The following TIAM1 variants were observed in gnomAD, a reference collection of about 807,000 sequenced individuals.
The protein encoded by TIAM1 is rho guanine nucleotide exchange factor TIAM1.
TIAM1 carries 65 observed loss-of-function variants against 163.5 expected under a neutral mutation model. The observed-to-expected ratio is 0.40, with a 90% CI of 0.33 to 0.49. TIAM1 has a LOEUF of 0.49. Ranked by LOEUF, TIAM1 falls within the 20% of genes least tolerant of loss-of-function variation. The probability of loss-of-function intolerance (pLI) is 0.77; values close to 1 mark genes in which losing one functional copy is unlikely to be tolerated. For synonymous variants in TIAM1, 833 were observed against 810.1 expected, an observed-to-expected ratio of 1.03 and a Z score of -0.48; for missense variants, 1,789 against 2,044.7, an observed-to-expected ratio of 0.87 and a Z score of 2.41.
intron 6 of TIAM1, among the ~76,000 whole-genome samples, chr21:31,235,269 G>A (rs2088688956): frequency 1.3e-5 from 2 of 151,890 alleles, no homozygotes; most frequent in Admixed American, 1.3e-4. Flanking sequence ...CCAAAAAAAG[G>A]GGGCAGTCAT....
At chr21:31,337,638 T>C (rs2075886553) in intron 2 of TIAM1, among the ~76,000 whole-genome samples, 1 of 151,738 alleles carries the variant, frequency 6.6e-6, no homozygotes, top group South Asian at 2.1e-4. Flanking sequence ...TTCAAGCAAT[T>C]CTCCCGCCTC....
rs573257771 is a variant in TIAM1 at position 31,317,358 on chromosome 21, G to GC, written c.-189+21884_-189+21885insG. The stretch of plus-strand genomic sequence containing the variant: ...CATCCCAGCTACGCGGGAGGCTGAG[G>GC]AGGAGAATTGCTTGAACTCGGGAGG... On this transcript the variant is annotated intron_variant, in intron 2 of 27. Transcript: ENST00000541036. 4.8e-3 allele frequency among the ~76,000 whole-genome samples: 735 copies of GC among 152,332 alleles called. 5 individuals carry two copies. Among genetic ancestry groups the GC allele is most frequent in the African/African-American group, 0.016 (684 of 41,576 alleles).
At chr21:31,213,313 T>G in intron 10 of TIAM1, 85 bp downstream of exon 10, 1 of 1,176,484 alleles carries the variant, frequency 8.5e-7, no homozygotes, top group East Asian at 2.6e-5. Flanking sequence ...TTACTTAATT[T>G]TAGTAGCTCA....
At chr21:31,449,972 G>C (rs1406627093) in intron 2 of TIAM1, among the ~76,000 whole-genome samples, 1 of 152,066 alleles carries the variant, frequency 6.6e-6, no homozygotes, top group Non-Finnish European at 1.5e-5. Flanking sequence ...GACTTCCTTT[G>C]GGCAGCCAGG....
intron 1 of TIAM1, among the ~76,000 whole-genome samples, chr21:31,341,082 T>C (rs150348523): frequency 6.6e-6 from 1 of 152,122 alleles, no homozygotes; most frequent in African/African-American, 2.4e-5. Context: ...AGGTTGGAGG[T>C]AGGACAAGAA....
rs1373968902 is a variant in TIAM1 at position 31,357,786 on chromosome 21, CTT to C, written c.-368-18366_-368-18365del. Among the ~76,000 whole-genome samples, 5 of 152,234 alleles carry C rather than the reference CTT, an allele frequency of 3.3e-5. No individual in the cohort carries two copies. The East Asian group carries it at 5.8e-4, about 18-fold the overall frequency. On this transcript the variant is annotated intron_variant, in intron 2 of 28. Coordinates refer to the TIAM1 transcript ENST00000286827. ...CGGTTTATAAAGCCAATGTTTCTCTCTTGTCTTCATTGTACTTGACCTATTCT... is the reference window on the plus strand; with the variant it reads ...CGGTTTATAAAGCCAATGTTTCTCTCGTCTTCATTGTACTTGACCTATTCT...
chr21:31,541,264 T>A (rs73345655), intron 1 of TIAM1, among the ~76,000 whole-genome samples: 1 of 151,868 alleles, frequency 6.6e-6, no homozygotes, highest in Non-Finnish European at 1.5e-5. Flanking sequence ...TGAGGCTAGA[T>A]TGGGCAACAT....
chr21:31,167,334 C>T (rs1437470434), intron 15 of TIAM1, among the ~76,000 whole-genome samples: 2 of 152,038 alleles, frequency 1.3e-5, no homozygotes, highest in Non-Finnish European at 2.9e-5. Context: ...GCGCCCACCT[C>T]GGCCTCCCAA....
chr21:31,198,094 C>T (rs2085975868), intron 12 of TIAM1, among the ~76,000 whole-genome samples: 1 of 152,136 alleles, frequency 6.6e-6, no homozygotes, highest in Non-Finnish European at 1.5e-5. Flanking sequence ...CAATTTTGAG[C>T]CAAGGTCAAT....
chr21:31,242,443 G>A (rs900696666), intron 6 of TIAM1, among the ~76,000 whole-genome samples: 2 of 152,084 alleles, frequency 1.3e-5, no homozygotes, highest in Admixed American at 6.6e-5. Context: ...GGATTGCTCA[G>A]CCCAGGAGGC....
intron 12 of TIAM1, among the ~76,000 whole-genome samples, chr21:31,202,101 A>G (rs1315721177): frequency 6.6e-6 from 1 of 152,170 alleles, no homozygotes; most frequent in Non-Finnish European, 1.5e-5. Flanking sequence ...GAGAAGCTAT[A>G]TAAATACAGT....
At chr21:31,407,150 C>T (rs2077261110) in intron 2 of TIAM1, among the ~76,000 whole-genome samples, 1 of 152,128 alleles carries the variant, frequency 6.6e-6, no homozygotes, top group African/African-American at 2.4e-5. Flanking sequence ...TGAAGTGTTG[C>T]CAATCACACA....
At chr21:31,213,518 G>T in intron 9 of TIAM1, 46 bp from the exon 10 acceptor site, 9 of 1,565,492 alleles carry the variant, frequency 5.7e-6, no homozygotes, top group Non-Finnish European at 7.9e-6. Flanking sequence ...TGGGCAACAG[G>T]GCAAACGAAA....
At chr21:31,297,745 T>C (rs2074341089) in intron 2 of TIAM1, among the ~76,000 whole-genome samples, 1 of 152,182 alleles carries the variant, frequency 6.6e-6, no homozygotes, top group Non-Finnish European at 1.5e-5. Context: ...TGGCCAATTT[T>C]GTGTTTTACG....
chr21:31,496,610 A>T (rs7282313), intron 1 of TIAM1, among the ~76,000 whole-genome samples: 92,647 of 151,842 alleles, frequency 0.61, 28,725 homozygotes, highest in East Asian at 0.85. Flanking sequence ...TTATTATTAA[A>T]GAAAAAAAAA....
intron 2 of TIAM1, among the ~76,000 whole-genome samples, chr21:31,294,009 G>T (rs2074131904): frequency 6.6e-6 from 1 of 152,130 alleles, no homozygotes; most frequent in Non-Finnish European, 1.5e-5. Context: ...CCCTGTTGGT[G>T]TTATTTCTGC....
At chr21:31,261,858 G>A (rs142776129) in intron 4 of TIAM1, among the ~76,000 whole-genome samples, 107 of 152,270 alleles carry the variant, frequency 7.0e-4, no homozygotes, top group African/African-American at 2.4e-3. Flanking sequence ...GGGACGCTCC[G>A]AGAGCCGGGC....
At position 31,125,794 on chromosome 21, in the gene TIAM1, C is replaced by T. The variant is rs2082175043; in HGVS notation, c.4134-1100G>A. 2.0e-5 allele frequency among the ~76,000 whole-genome samples: 3 copies of T among 152,196 alleles called. No homozygotes were observed. In the South Asian group the frequency reaches 6.2e-4, roughly 31 times the overall value. ...TTTGCCATGTTGGCCAGGCTGGCCT[C>T]GAACTCCTGACCTCAAGTGATCCGC... On this transcript the variant is annotated intron_variant, in intron 26 of 27. Coordinates refer to ENST00000541036, the MANE Select transcript of TIAM1 (RefSeq NM_001353694.2).
intron 15 of TIAM1, among the ~76,000 whole-genome samples, chr21:31,168,350 C>T (rs191394614): frequency 6.6e-6 from 1 of 152,182 alleles, no homozygotes; most frequent in East Asian, 1.9e-4. Context: ...CCTCGGCCCC[C>T]CAAAGTGCTG....
Sources: allele counts gnomAD v4.1 joint callset (sites outside exome capture counted in the v4.1 genomes callset), GRCh38; gene constraint gnomAD v4.1.1; transcripts MANE v1.5; gene names NCBI Gene and HGNC (gene_info 2026-07-23, HGNC 2026-07-21).